IDO2: variants seen among roughly 807,000 people sequenced by gnomAD.
IDO2 encodes the protein indoleamine 2,3-dioxygenase 2, also known as indoleamine 2,3-dioxygenase-like 1 protein.
In IDO2, 46 loss-of-function variants were observed where a neutral mutation model predicts 45.1. The observed-to-expected ratio is 1.02, with a 90% CI of 0.80 to 1.30. The LOEUF (loss-of-function observed/expected upper bound fraction) is 1.30. Ranked by LOEUF, IDO2 falls within the 50% of genes most tolerant of loss-of-function variation. The pLI, the probability that IDO2 is intolerant of heterozygous loss-of-function variation, is 0.00. For missense variants in IDO2, 544 were observed against 491.8 expected, an observed-to-expected ratio of 1.11 and a Z score of -1.00; for synonymous variants, 218 against 184.9, an observed-to-expected ratio of 1.18 and a Z score of -1.45.
intron 3 of IDO2, among the ~76,000 whole-genome samples, chr8:39,968,938 A>G (rs944434616): frequency 3.9e-5 from 6 of 152,080 alleles, no homozygotes; most frequent in African/African-American, 1.2e-4. Context: ...CAAATGCACT[A>G]TATAACTTCG....
intron 1 of IDO2, among the ~76,000 whole-genome samples, chr8:39,938,810 A>G (rs1267271699): frequency 1.3e-5 from 2 of 152,248 alleles, no homozygotes; most frequent in Non-Finnish European, 2.9e-5. Flanking sequence ...AAGAAGAAAC[A>G]CAGTGGCAAG....
exon 3 of IDO2, chr8:39,963,652 C>A (rs1220020774): frequency 6.2e-7 from 1 of 1,612,518 alleles, no homozygotes; most frequent in Non-Finnish European, 8.5e-7. Context: ...AAATTGCCAA[C>A]AAACTTCCTC....
At chr8:39,949,459 C>A (rs186385368) in intron 2 of IDO2, among the ~76,000 whole-genome samples, 195 bp downstream of exon 2, 1 of 152,122 alleles carries the variant, frequency 6.6e-6, no homozygotes, top group East Asian at 1.9e-4. Context: ...GAGAACAGGT[C>A]AAATGGAACA....
chr8:39,960,168 C>A, intron 2 of IDO2, among the ~76,000 whole-genome samples: 1 of 152,224 alleles, frequency 6.6e-6, no homozygotes, highest in Non-Finnish European at 1.5e-5. Flanking sequence ...TTCTCATGGA[C>A]CTTCCATGTC....
At chr8:39,967,735 G>A (rs1373614864) in intron 3 of IDO2, among the ~76,000 whole-genome samples, 5 of 152,152 alleles carry the variant, frequency 3.3e-5, no homozygotes, top group Non-Finnish European at 4.4e-5. Context: ...TGATCCACCC[G>A]CCTTGGCCTC....
At chr8:39,961,000 G>T (rs1033885415) in intron 2 of IDO2, among the ~76,000 whole-genome samples, 1 of 152,148 alleles carries the variant, frequency 6.6e-6, no homozygotes, top group Admixed American at 6.5e-5. Flanking sequence ...AGCCAGGATG[G>T]TCTTGATCTC....
intron 4 of IDO2, among the ~76,000 whole-genome samples, chr8:39,980,687 C>A (rs578121135): frequency 6.6e-6 from 1 of 152,292 alleles, no homozygotes; most frequent in South Asian, 2.1e-4. Context: ...ACAGGAGACT[C>A]AGGGAAGAGG....
chr8:39,984,886 G>C (rs62513785), intron 5 of IDO2: 52,152 of 433,778 alleles, frequency 0.12, 4,307 homozygotes, highest in East Asian at 0.34. Flanking sequence ...AAAATGTGGG[G>C]TTGTGGTAAA....
At chr8:39,987,182 G>A (rs1808439452) in intron 6 of IDO2, 3 of 152,072 alleles carry the variant, frequency 2.0e-5, no homozygotes, top group South Asian at 4.1e-4. Flanking sequence ...TTAAAAGTGT[G>A]GCACTTCCCC....
At chr8:39,977,111 A>G (rs1056505053) in intron 3 of IDO2, among the ~76,000 whole-genome samples, 5 of 152,220 alleles carry the variant, frequency 3.3e-5, no homozygotes, top group African/African-American at 1.2e-4. Flanking sequence ...ATTTTAGAAC[A>G]TTTATATGAA....
intron 8 of IDO2, chr8:39,995,162 C>CTCCTCT (rs1353080704): frequency 6.7e-6 from 1 of 148,372 alleles, no homozygotes; most frequent in Admixed American, 6.7e-5. Context: ...TCTTCTCCTC[C>CTCCTCT]TCCTCCTCCT....
intron 8 of IDO2, among the ~76,000 whole-genome samples, chr8:40,004,157 C>T (rs1802179508): frequency 6.6e-6 from 1 of 152,032 alleles, no homozygotes; most frequent in African/African-American, 2.4e-5. Flanking sequence ...GAAGTAGGAC[C>T]CAGTAAAAAT....
intron 1 of IDO2, among the ~76,000 whole-genome samples, chr8:39,938,547 A>T (rs1001769707): frequency 6.8e-6 from 1 of 146,918 alleles, no homozygotes; most frequent in Admixed American, 7.1e-5. Flanking sequence ...CTTTTTATAT[A>T]TAACACCAAA....
exon 4 of IDO2, chr8:39,979,113 G>A (rs1302610612): frequency 3.1e-6 from 5 of 1,601,950 alleles, no homozygotes; most frequent in South Asian, 1.1e-5. Flanking sequence ...CGGGAGCAGC[G>A]CCTGGCCCAC....
chr8:40,008,045 C>CTTTT (rs34451617), intron 9 of IDO2, among the ~76,000 whole-genome samples: 1 of 103,322 alleles, frequency 9.7e-6, no homozygotes, highest in African/African-American at 3.9e-5. Context: ...AGCACTGGCA[C>CTTTT]TTTTTTTTTT....
At chr8:39,941,221 C>A (rs1049453324) in intron 1 of IDO2, among the ~76,000 whole-genome samples, 428 of 80,432 alleles carry the variant, frequency 5.3e-3, no homozygotes, top group Middle Eastern at 0.017. Flanking sequence ...GACTCCATCT[C>A]AAAAAAAAAA....
intron 3 of IDO2, among the ~76,000 whole-genome samples, chr8:39,964,046 C>G (rs1407255096): frequency 2.0e-5 from 3 of 152,148 alleles, no homozygotes; most frequent in Non-Finnish European, 2.9e-5. Flanking sequence ...GTTCCTCATT[C>G]CATGTACGTA....
chr8:39,937,677 C>T (rs189222387), intron 1 of IDO2, among the ~76,000 whole-genome samples: 64 of 152,094 alleles, frequency 4.2e-4, no homozygotes, highest in Non-Finnish European at 6.0e-4. Flanking sequence ...TGCACCACCA[C>T]ATCTGGCTAA....
exon 11 of IDO2, chr8:40,015,642 G>C (rs1171935885): frequency 7.0e-7 from 1 of 1,435,904 alleles, no homozygotes; most frequent in Non-Finnish European, 9.6e-7. Flanking sequence ...CCCCCATGGA[G>C]GGCAGGTGGG....
Sources: gnomAD v4.1 joint callset for allele counts (sites outside exome capture counted in the v4.1 genomes callset) on GRCh38, gnomAD v4.1.1 for gene constraint, MANE v1.5 for transcripts, NCBI Gene and HGNC (gene_info 2026-07-23, HGNC 2026-07-21) for gene names.